The following NBEAL1 variants were observed in gnomAD, a reference collection of about 807,000 sequenced individuals.
NBEAL1 encodes the protein neurobeachin-like protein 1.
NBEAL1 carries 273 observed loss-of-function variants against 351.3 expected under a neutral mutation model. That is an observed-to-expected ratio of 0.78 (90% CI 0.70 to 0.86). The LOEUF (loss-of-function observed/expected upper bound fraction) is 0.86, where lower values mean the gene tolerates loss of function less well. NBEAL1 is among the 40% of genes least tolerant of loss of function. NBEAL1 has a pLI of 0.00. For synonymous variants in NBEAL1, 1,050 were observed against 1,086.4 expected, an observed-to-expected ratio of 0.97 and a Z score of 0.66; for missense variants, 2,961 against 3,201.3, an observed-to-expected ratio of 0.92 and a Z score of 1.81.
At chr2:203,120,245 A>G (rs1002414732) in intron 18 of NBEAL1, among the ~76,000 whole-genome samples, 2 of 152,154 alleles carry the variant, frequency 1.3e-5, no homozygotes, top group African/African-American at 2.4e-5. Flanking sequence ...ATATGGTATT[A>G]TTGGTTATCT....
chr2:203,127,832 G>A lies in NBEAL1; in HGVS notation c.3300G>A (p.Arg1100=). Residue 1100 remains arginine (R), a synonymous_variant, in exon 24 of 56, where the codon AGG becomes AGA. Transcript: ENST00000683969. Reference sequence around the variant, plus strand: ...CTCTAGATGATATTCGAACAATAAGGACTTCTTTGTATGGACTAATTAAAT... The same window carrying A: ...CTCTAGATGATATTCGAACAATAAGAACTTCTTTGTATGGACTAATTAAAT... ...ELSLDDIRTI[R]TSLYGLIKYF... 4.6e-6 allele frequency: 7 copies of A among 1,534,576 alleles called. No individual in the cohort carries two copies. Among genetic ancestry groups the A allele is most frequent in the Non-Finnish European group, 6.2e-6 (7 of 1,130,148 alleles).
chr2:203,149,452 G>A lies in NBEAL1; in HGVS notation c.5462+304G>A, dbSNP rs1255716998. Among the ~76,000 whole-genome samples the A allele has an allele frequency of 2.0e-5, 3 of 152,026 alleles. No individual in the cohort carries two copies. In the East Asian group the frequency reaches 5.8e-4, roughly 29 times the overall value. ...TTTCTGATACCACCTCTTTGAGCTA[G>A]GGCTAATGCTGTTGTATGTTTGAAT... On this transcript the variant is annotated intron_variant, in intron 34 of 55. Transcript: ENST00000683969.
intron 55 of NBEAL1, among the ~76,000 whole-genome samples, chr2:203,215,454 A>C (rs1222297836): frequency 1.3e-5 from 2 of 152,172 alleles, no homozygotes; most frequent in African/African-American, 4.8e-5. Flanking sequence ...GGTTGCAGTG[A>C]GCCGAGATTG....
rs181868448 is a variant in NBEAL1, at chr2:203,218,912, A to G, written c.*1558A>G. The G allele has an allele frequency of 1.3e-5, 2 of 152,320 alleles. No individual in the cohort carries two copies. The highest frequency in any genetic ancestry group is 3.9e-4 in the East Asian group (2 of 5,194). The allele number at this position is 152,320 out of a possible 1,614,324, so 9.4% of individuals were successfully genotyped here. A position where few individuals can be genotyped will look rare whatever the true frequency, so the allele number is the denominator to read the frequency against. On this transcript the variant is annotated 3_prime_UTR_variant, in exon 56 of 56. Transcript: ENST00000683969. ...AGGAAAAAATAGCTATGTTTTAGGT[A>G]AATAACTCTGAAATAAACTGGTACA...
rs2065927366 is a variant in NBEAL1, at chr2:203,219,132, TG to T, written c.*1780del. 1 of 152,138 alleles carries T rather than the reference TG, an allele frequency of 6.6e-6. No homozygotes were observed. Among genetic ancestry groups the T allele is most frequent in the African/African-American group, 2.4e-5 (1 of 41,456 alleles). The allele number at this position is 152,138 out of a possible 1,614,324, so 9.4% of individuals were successfully genotyped here. On this transcript the variant is annotated 3_prime_UTR_variant, in exon 56 of 56. Coordinates refer to ENST00000683969, the MANE Select transcript of NBEAL1 (RefSeq NM_001378026.1). Reference sequence around the variant, plus strand: ...CAGTGCTTCACCCGTGGTGCCACCGTGGCTATCTTTTTTTTTATCTTACAGT... The same window carrying T: ...CAGTGCTTCACCCGTGGTGCCACCGTGCTATCTTTTTTTTTATCTTACAGT...
chr2:203,084,746 A>G (rs1428688584), intron 10 of NBEAL1, 177 bp downstream of exon 10: 1 of 425,296 alleles, frequency 2.4e-6, no homozygotes, highest in Non-Finnish European at 4.2e-6. Context: ...GTAATTGTCT[A>G]AATACTTTAA....
chr2:203,098,232 AC>A (rs2062226479), intron 11 of NBEAL1, among the ~76,000 whole-genome samples: 1 of 152,166 alleles, frequency 6.6e-6, no homozygotes, highest in Admixed American at 6.5e-5. Flanking sequence ...AAAAAAAACT[AC>A]CTTTAAAAAT....
At chr2:203,040,166 G>A in intron 2 of NBEAL1, 1 of 1,511,236 alleles carries the variant, frequency 6.6e-7, no homozygotes. Flanking sequence ...CTGAAAAAGA[G>A]GAAGGCTTAT....
At chr2:203,057,051 A>G (rs2061415324) in intron 5 of NBEAL1, among the ~76,000 whole-genome samples, 1 of 152,206 alleles carries the variant, frequency 6.6e-6, no homozygotes, top group African/African-American at 2.4e-5. Flanking sequence ...TGTTTTATAA[A>G]TGGCTTTTAA....
chr2:203,148,259 C>T (rs2063559523), intron 33 of NBEAL1, among the ~76,000 whole-genome samples: 1 of 151,898 alleles, frequency 6.6e-6, no homozygotes, highest in Admixed American at 6.6e-5. Flanking sequence ...GGACACTGAG[C>T]CTCAGAGAAT....
chr2:203,216,009 TAA>T (rs60748031), intron 55 of NBEAL1, among the ~76,000 whole-genome samples: 60,828 of 125,884 alleles, frequency 0.48, 14,525 homozygotes, highest in Middle Eastern at 0.67. Flanking sequence ...AAACCCTGTC[TAA>T]AAAAAAAAAA....
intron 8 of NBEAL1, 59 bp from the exon 9 acceptor site, chr2:203,083,160 G>A: frequency 1.4e-6 from 2 of 1,400,392 alleles, no homozygotes; most frequent in Non-Finnish European, 1.9e-6. Context: ...TCTCATTATT[G>A]CAAACATACA....
At chr2:203,059,679 G>C (rs1426600326) in intron 6 of NBEAL1, among the ~76,000 whole-genome samples, 1 of 152,182 alleles carries the variant, frequency 6.6e-6, no homozygotes, top group African/African-American at 2.4e-5. Context: ...TTAGTGCCGT[G>C]ACTACCTTTT....
chr2:203,193,814 T>G lies in NBEAL1; in HGVS notation c.6941T>G (p.Leu2314Ter), dbSNP rs1317848100. The change falls in exon 47 of 56, where the codon TTA becomes TGA. Residue 2314 changes from leucine (L) to a stop codon, truncating the protein, a stop_gained. Transcript: ENST00000683969. LOFTEE classifies it high-confidence loss of function. ...TTGAAGGAACCACACCCTCCAAGAT[T>G]ATCAGCAGAAGAAGCAGTGCAGAAG... is the stretch of plus-strand genomic sequence containing the variant. Reference protein sequence around the residue: ...QLLKEPHPPRLSAEEAVQKPT... With the variant: ...QLLKEPHPPR 6.2e-7 allele frequency: 1 copy of G among 1,611,570 alleles called. No individual in the cohort carries two copies. Among genetic ancestry groups the G allele is most frequent in the Admixed American group, 1.7e-5 (1 of 59,746 alleles).
At chr2:203,182,340 A>G (rs900346963) in intron 43 of NBEAL1, 3 of 152,192 alleles carry the variant, frequency 2.0e-5, no homozygotes, top group African/African-American at 7.2e-5. Context: ...ATCCAACAGT[A>G]TCGCAGAAAT....
intron 2 of NBEAL1, among the ~76,000 whole-genome samples, chr2:203,029,171 G>A (rs564874817): frequency 1.4e-4 from 21 of 152,178 alleles, no homozygotes; most frequent in African/African-American, 4.8e-4. Context: ...TTTACTTTTA[G>A]TAGAGATGAG....
At position 203,122,273 on chromosome 2, in the gene NBEAL1, G is replaced by C; in HGVS notation, c.2612G>C (p.Cys871Ser). ...YTAKACKNSICLDLSTNCLHG... is the reference protein window; with the variant it reads ...YTAKACKNSISLDLSTNCLHG... ...TCTTAGGCCTGCAAAAATTCAATCT[G>C]TCTTGATTTATCTACTAATTGTTTG... The change falls in exon 19 of 56, where the codon TGT becomes TCT. Residue 871 changes from cysteine (C) to serine (S), a missense_variant. Transcript: ENST00000683969. 6.5e-7 allele frequency: 1 copy of C among 1,540,680 alleles called. No individual in the cohort carries two copies. The highest frequency in any genetic ancestry group is 8.7e-7 in the Non-Finnish European group (1 of 1,143,156).
intron 12 of NBEAL1, 107 bp downstream of exon 12, chr2:203,099,819 T>C (rs2062273153): frequency 2.8e-6 from 2 of 710,670 alleles, no homozygotes; most frequent in Non-Finnish European, 4.5e-6. Flanking sequence ...CATGGGGATT[T>C]GGTGTACAGA....
In NBEAL1 at chr2:203,218,112, C is replaced by G. The variant is rs2065917015; in HGVS notation, c.*758C>G. On this transcript the variant is annotated 3_prime_UTR_variant, in exon 56 of 56. Coordinates refer to ENST00000683969, the MANE Select transcript of NBEAL1 (RefSeq NM_001378026.1). ...CAGCACAATTTGCATTTGCAAAGTT[C>G]CGAATTTCTTGACTCTTTCTTCACT... The G allele has an allele frequency of 4.3e-6, 1 of 230,088 alleles. No individual in the cohort carries two copies. Among genetic ancestry groups the G allele is most frequent in the African/African-American group, 2.3e-5 (1 of 42,890 alleles). The allele number at this position is 230,088 out of a possible 1,614,324, so 14.3% of individuals were successfully genotyped here. A position where few individuals can be genotyped will look rare whatever the true frequency, so the allele number is the denominator to read the frequency against.
Sources: allele counts gnomAD v4.1 joint callset (sites outside exome capture counted in the v4.1 genomes callset), GRCh38; gene constraint gnomAD v4.1.1; transcripts MANE v1.5; gene names NCBI Gene and HGNC (gene_info 2026-07-23, HGNC 2026-07-21).